The following RIPK4 variants were observed in gnomAD, a reference collection of about 807,000 sequenced individuals.
RIPK4 encodes receptor interacting serine/threonine kinase 4.
Under a neutral mutation model 42.9 loss-of-function variants are expected in RIPK4, and 17 were observed. That is an observed-to-expected ratio of 0.40 (90% CI 0.27 to 0.59). The LOEUF is 0.59. RIPK4 is among the 20% of genes least tolerant of loss of function. RIPK4 has a pLI of 0.47. For missense variants in RIPK4, 897 were observed against 1,104.4 expected, an observed-to-expected ratio of 0.81 and a Z score of 2.66; for synonymous variants, 498 against 499.1, an observed-to-expected ratio of 1.00 and a Z score of 0.03.
chr21:41,758,021 A>AAATATATATATAT (rs1555910478), intron 1 of RIPK4, among the ~76,000 whole-genome samples: 1 of 51,370 alleles, frequency 1.9e-5, no homozygotes, highest in African/African-American at 1.1e-4. Context: ...AAAAAAAAAA[A>AAATATATATATAT]ATATATATAT....
At chr21:41,745,943 A>C in intron 5 of RIPK4, 81 bp from the exon 6 acceptor site, 1 of 1,140,466 alleles carries the variant, frequency 8.8e-7, no homozygotes, top group East Asian at 2.3e-5. Context: ...CAGGGCCCCC[A>C]CGAGCTGGGG....
rs1383464294 is a variant in RIPK4, at chr21:41,751,239, C to T, written c.481G>A (p.Asp161Asn). The change falls in exon 3 of 8, where the codon GAT becomes AAT. Residue 161 changes from aspartate (D) to asparagine (N), a missense_variant. By Grantham distance (23) the Asp-to-Asn change is conservative. Coordinates refer to ENST00000332512, the MANE Select transcript of RIPK4 (RefSeq NM_020639.3). This position sits in a 1 kb window ranked among gnomAD's most constrained non-coding sequence, Gnocchi z 4.5. ...LDAHYHVKIS[D>N]FGLAKCNGLS... ...CCGTTGCACTTGGCCAGACCAAAAT[C>T]AGAAATCTGCAACACAGCCATCAGA... 4 of 1,614,124 alleles carry T rather than the reference C, an allele frequency of 2.5e-6. No individual in the cohort carries two copies. Among genetic ancestry groups the T allele is most frequent in the Non-Finnish European group, 3.4e-6 (4 of 1,180,002 alleles).
rs2061168893 is a variant in RIPK4 at position 41,745,802 on chromosome 21, G to A, written c.893C>T (p.Ala298Val). ...GGGGCTTTTCACGTCCAGATCATGAGCAGTTTCTTTCACTTCGTCATCAGG... is the reference window on the plus strand; with the variant it reads ...GGGGCTTTTCACGTCCAGATCATGAACAGTTTCTTTCACTTCGTCATCAGG... ...EKPDDEVKET[A>V]HDLDVKSPPE... The change falls in exon 6 of 8, where the codon GCT becomes GTT. Residue 298 changes from alanine to valine, a missense_variant. Ala to Val is a moderately conservative substitution (Grantham distance 64). Transcript: ENST00000332512. 1 of 1,614,160 alleles carries A rather than the reference G, an allele frequency of 6.2e-7. No homozygotes were observed.
chr21:41,751,263 G>C lies in RIPK4; in HGVS notation c.475-18C>G. On this transcript the variant is annotated intron_variant, in intron 2 of 7. Coordinates refer to ENST00000332512, the MANE Select transcript of RIPK4 (RefSeq NM_020639.3). The surrounding 1 kb of genome is among the most constrained non-coding windows in gnomAD (Gnocchi z 4.5). ...TCAGAAATCTGCAACACAGCCATCA[G>C]AGCGGGGCTCATTAGCCTGCAACAG... is the stretch of plus-strand genomic sequence containing the variant. 1.9e-6 allele frequency: 3 copies of C among 1,613,448 alleles called. No individual in the cohort carries two copies. Among genetic ancestry groups the C allele is most frequent in the Non-Finnish European group, 2.5e-6 (3 of 1,179,572 alleles).
At position 41,741,225 on chromosome 21, in the gene RIPK4, G is replaced by C. The variant is rs574158826; in HGVS notation, c.1968C>G (p.Leu656=). ...CCTCCTTGCCAGCGCCCCGATGCAG[G>C]AGCAGCCTGGCAGTGCTCGTGTGCC... ...ETGHTSTARL[L]LHRGAGKEAM... Residue 656 remains leucine (L), a synonymous_variant, in exon 8 of 8, where the codon CTC becomes CTG. Coordinates refer to ENST00000332512, the MANE Select transcript of RIPK4 (RefSeq NM_020639.3). 2 of 1,609,138 alleles carry C rather than the reference G, an allele frequency of 1.2e-6. No homozygotes were observed. The highest frequency in any genetic ancestry group is 1.7e-6 in the Non-Finnish European group (2 of 1,178,458).
rs902243203 is a variant in RIPK4, at chr21:41,766,733, GT to G, written c.182+126del. On this transcript the variant is annotated intron_variant, in intron 1 of 7. Transcript: ENST00000332512. ...AGCCCCGCGGCCTCGCCGGCAATTG[GT>G]TTCCCCCCCGAAGCTGCTCCGGGGG... The G allele has an allele frequency of 1.5e-5, 15 of 1,031,520 alleles. No homozygotes were observed. In the African/African-American group the frequency reaches 1.9e-4, roughly 13 times the overall value. 63.9% of individuals were successfully genotyped at this position (1,031,520 alleles called of 1,614,324 possible).
intron 4 of RIPK4, 139 bp downstream of exon 4, chr21:41,749,015 T>C: frequency 2.4e-6 from 2 of 849,430 alleles, no homozygotes; most frequent in African/African-American, 1.7e-5. Context: ...TTTTCCTGCA[T>C]GCAAATTACA....
chr21:41,758,135 A>G (rs1272785796), intron 1 of RIPK4, among the ~76,000 whole-genome samples: 4 of 150,396 alleles, frequency 2.7e-5, no homozygotes, highest in Non-Finnish European at 5.9e-5. Context: ...ACAGGTGTAC[A>G]ATTCCCTGAC....
rs13049286 is a variant in RIPK4 at position 41,756,639 on chromosome 21, T to A, written c.360A>T (p.Arg120=). The change falls in exon 2 of 8, where the codon CGA becomes CGT. Residue 120 remains arginine (R), a synonymous_variant. Transcript: ENST00000332512. ...TGCCCACCGCCGTCTCGTGGATGATTCGGAACCGGAGATCCCATGGCAATG... is the reference window on the plus strand; with the variant it reads ...TGCCCACCGCCGTCTCGTGGATGATACGGAACCGGAGATCCCATGGCAATG... ...SEPLPWDLRF[R]IIHETAVGMN... is the part of the protein sequence containing the mutation. 6.8e-6 allele frequency: 11 copies of A among 1,613,914 alleles called. No homozygotes were observed. Among genetic ancestry groups the A allele is most frequent in the Middle Eastern group, 3.3e-4 (2 of 6,062 alleles).
rs1569109387 is a variant in RIPK4, at chr21:41,766,840, G to GC, written c.182+19dup. On this transcript the variant is annotated intron_variant, in intron 1 of 7. Coordinates refer to ENST00000332512, the MANE Select transcript of RIPK4 (RefSeq NM_020639.3). ...CAGCCCGGGCCCCAGCCGCCCCAGC[G>GC]CCCCGCCCGGGCCGCTCACCTGTCG... is the stretch of plus-strand genomic sequence containing the variant. 2 of 1,598,114 alleles carry GC rather than the reference G, an allele frequency of 1.3e-6. No homozygotes were observed. The highest frequency in any genetic ancestry group is 1.4e-5 in the African/African-American group (1 of 73,660).
At chr21:41,746,989 C>G in intron 4 of RIPK4, 1 of 575,028 alleles carries the variant, frequency 1.7e-6, no homozygotes, top group Non-Finnish European at 3.0e-6. Flanking sequence ...TGAAATCGAC[C>G]TCTTTCCCTG....
rs368325814 is a variant in RIPK4, at chr21:41,760,422, G to A, written c.183-3606C>T. On this transcript the variant is annotated intron_variant, in intron 1 of 7. Coordinates refer to ENST00000332512, the MANE Select transcript of RIPK4 (RefSeq NM_020639.3). ...AAAAATCTAAGCCTCTTGAAAGGAAGGTCCAGGGAGCTATGGAGAATCAAG... is the reference window on the plus strand; with the variant it reads ...AAAAATCTAAGCCTCTTGAAAGGAAAGTCCAGGGAGCTATGGAGAATCAAG... Among the ~76,000 whole-genome samples the A allele has an allele frequency of 5.3e-4, 81 of 152,320 alleles. 1 individual carries two copies. In the South Asian group the frequency reaches 7.0e-3, roughly 13 times the overall value.
In RIPK4 at chr21:41,740,774, CCCA is replaced by C. The variant is rs2061150060; in HGVS notation, c.*61_*63del. The C allele has an allele frequency of 2.1e-5, 31 of 1,476,398 alleles. No individual in the cohort carries two copies. The highest frequency in any genetic ancestry group is 2.8e-5 in the Non-Finnish European group (31 of 1,105,500). 91.5% of individuals were successfully genotyped at this position (1,476,398 alleles called of 1,614,324 possible). The stretch of plus-strand genomic sequence containing the variant: ...GGGCCCCACGCAGGATCGTTCCATC[CCCA>C]CGAGGAACACAGGACAGGACAAGAG... On this transcript the variant is annotated 3_prime_UTR_variant, in exon 8 of 8. Transcript: ENST00000332512.
rs1169362272 is a variant in RIPK4 at position 41,766,981 on chromosome 21, C to G, written c.61G>C (p.Glu21Gln). ...CCCACCTTCTCCCAGCCCGTGAACT[C>G]GCCCGCGTCGAAGGTGCGCAGCAGC... ...LALLRTFDAG[E>Q]FTGWEKVGSG... The change falls in exon 1 of 8, where the codon GAG (glutamate) becomes CAG (glutamine). Residue 21 changes from glutamate (E) to glutamine (Q), a missense_variant. By Grantham distance (29) the Glu-to-Gln change is conservative. Transcript: ENST00000332512. The G allele has an allele frequency of 6.2e-7, 1 of 1,604,870 alleles. No homozygotes were observed. The highest frequency in any genetic ancestry group is 1.7e-5 in the Admixed American group (1 of 59,628).
chr21:41,749,154 C>G lies in RIPK4; in HGVS notation c.673G>C (p.Asp225His). The G allele has an allele frequency of 6.2e-7, 1 of 1,613,754 alleles. No individual in the cohort carries two copies. Among genetic ancestry groups the G allele is most frequent in the East Asian group, 2.2e-5 (1 of 44,866 alleles). Reference protein sequence around the residue: ...GVLTQKKPFADEKNILHIMVK... With the variant: ...GVLTQKKPFAHEKNILHIMVK... Reference sequence around the variant, plus strand: ...ACACCTCAAAGACAGGTCCACTCACCTGCAAACGGCTTCTTCTGTGTGAGC... The same window carrying G: ...ACACCTCAAAGACAGGTCCACTCACGTGCAAACGGCTTCTTCTGTGTGAGC... The change falls in exon 4 of 8, where the codon GAT becomes CAT. Residue 225 changes from aspartate (D) to histidine (H), a missense_variant and splice_region_variant. Transcript: ENST00000332512.
Position 41,741,698 on chromosome 21 carries a change from C to A in RIPK4, c.1495G>T (p.Ala499Ser). Residue 499 changes from alanine to serine, a missense_variant, in exon 8 of 8, where the codon GCC (alanine) becomes TCC (serine). By Grantham distance (99) the Ala-to-Ser change is moderately conservative. Coordinates refer to ENST00000332512, the MANE Select transcript of RIPK4 (RefSeq NM_020639.3). ...GCTGTCCACTGGTCCTCATCCTTGG[C>A]GTTGACACTGATCTTCCGCGCCAGC... ...LLLARKISVNAKDEDQWTALH... is the reference protein window; with the variant it reads ...LLLARKISVNSKDEDQWTALH... 1 of 1,613,664 alleles carries A rather than the reference C, an allele frequency of 6.2e-7. No homozygotes were observed. The highest frequency in any genetic ancestry group is 8.5e-7 in the Non-Finnish European group (1 of 1,180,040).
rs191217751 is a variant in RIPK4, at chr21:41,743,118, G to A, written c.1195+764C>T. On this transcript the variant is annotated intron_variant, in intron 7 of 7. Transcript: ENST00000332512. ...GGAAAAGCCAACTTCCCCTTCCCCC[G>A]AGATTGCAGCCTTGGCCCTCAGCCC... 2.6e-5 allele frequency among the ~76,000 whole-genome samples: 4 copies of A among 152,208 alleles called. No homozygotes were observed. The East Asian group carries it at 5.8e-4, about 22-fold the overall frequency.
chr21:41,763,730 G>A (rs1399986728), intron 1 of RIPK4, among the ~76,000 whole-genome samples: 1 of 152,166 alleles, frequency 6.6e-6, no homozygotes, highest in African/African-American at 2.4e-5. Flanking sequence ...GACAAGAAAC[G>A]GGCTTGTCCA....
At chr21:41,760,134 G>A (rs550053434) in intron 1 of RIPK4, among the ~76,000 whole-genome samples, 1 of 152,316 alleles carries the variant, frequency 6.6e-6, no homozygotes, top group South Asian at 2.1e-4. Context: ...AAATGCCAAC[G>A]GTGCCAAGTT....
Sources: allele counts gnomAD v4.1 joint callset (sites outside exome capture counted in the v4.1 genomes callset), GRCh38; gene constraint gnomAD v4.1.1; non-coding constraint Gnocchi (gnomAD v3.1); transcripts MANE v1.5; gene names NCBI Gene and HGNC (gene_info 2026-07-23, HGNC 2026-07-21).